The following STAG3 variants were observed in gnomAD, a reference collection of about 807,000 sequenced individuals.
STAG3 encodes STAG3 cohesin complex component, also known as cohesin subunit SA-3.
A neutral mutation model predicts 160.7 loss-of-function variants in STAG3; 101 were observed. The ratio of observed to expected loss-of-function variants is 0.63; its 90% CI spans 0.54 to 0.74. The LOEUF is 0.74. Among genes scored for constraint, STAG3 ranks in the 30% least tolerant of loss-of-function variants. STAG3 has a pLI of 0.00. For missense variants in STAG3, 1,188 were observed against 1,517.4 expected (o/e 0.78, Z 3.61); for synonymous variants, 519 against 585.0 (o/e 0.89, Z 1.63).
At chr7:100,214,555 G>C (rs1214853052), downstream of STAG3, among the ~76,000 whole-genome samples, 2 of 151,994 alleles carry the variant, frequency 1.3e-5, no homozygotes, top group Non-Finnish European at 2.9e-5. Context: ...AGTAGAGATG[G>C]GGAGAGTTTG....
At chr7:100,189,294 A>G in intron 7 of STAG3, 151 bp from the exon 8 acceptor site, 1 of 894,930 alleles carries the variant, frequency 1.1e-6, no homozygotes, top group Admixed American at 2.8e-5. Context: ...GAAACAGTCC[A>G]CTCCAGGACA....
At chr7:100,199,518 T>C (rs1800932777) in intron 15 of STAG3, 23 bp from the exon 16 acceptor site, 2 of 1,586,132 alleles carry the variant, frequency 1.3e-6, no homozygotes, top group East Asian at 4.5e-5. Context: ...GATTCTATGT[T>C]TTTGATCCTC....
chr7:100,202,582 T>C lies in STAG3; in HGVS notation c.2692T>C (p.Tyr898His). 4.3e-6 allele frequency: 7 copies of C among 1,613,104 alleles called. No homozygotes were observed. Among genetic ancestry groups the C allele is most frequent in the Non-Finnish European group, 5.9e-6 (7 of 1,179,750 alleles). Residue 898 changes from tyrosine to histidine, a missense_variant, in exon 25 of 34, where the codon TAC becomes CAC. Physicochemically the swap from Tyr to His is moderately conservative, Grantham distance 83 (BLOSUM62 2). Transcript: ENST00000615138. ...TGCAGCCTCAGATGTTTTCAAACAC[T>C]ACAACAAGGTACACCAAGGCCCTAC... Reference protein sequence around the residue: ...MDAASDVFKHYNKFYNDYGDI... With the variant: ...MDAASDVFKHHNKFYNDYGDI...
At chr7:100,181,946 A>G (rs1376906281) in intron 2 of STAG3, 144 bp from the exon 3 acceptor site, 10 of 535,220 alleles carry the variant, frequency 1.9e-5, no homozygotes, top group Non-Finnish European at 3.0e-5. Context: ...CCTACTAACA[A>G]TAAGCTCATT....
chr7:100,210,263 T>G (rs1268060065), intron 29 of STAG3, among the ~76,000 whole-genome samples: 2 of 152,210 alleles, frequency 1.3e-5, no homozygotes, highest in Non-Finnish European at 2.9e-5. Flanking sequence ...GCGCTCACTT[T>G]GGGATTATTG....
intron 4 of STAG3, among the ~76,000 whole-genome samples, chr7:100,185,934 A>G (rs1218269125): frequency 1.3e-5 from 2 of 152,230 alleles, no homozygotes; most frequent in Non-Finnish European, 1.5e-5. Context: ...CATTCCATGC[A>G]GCCATCTGGA....
At chr7:100,195,483 T>C in intron 9 of STAG3, 101 bp downstream of exon 9, 1 of 1,141,044 alleles carries the variant, frequency 8.8e-7, no homozygotes, top group Non-Finnish European at 1.3e-6. Flanking sequence ...GTTATTTGGT[T>C]AGTCCCAGAA....
intron 31 of STAG3, 94 bp from the exon 32 acceptor site, chr7:100,211,701 C>A: frequency 2.1e-6 from 3 of 1,446,842 alleles, no homozygotes; most frequent in Non-Finnish European, 2.9e-6. Flanking sequence ...GCTGTACTTA[C>A]TGCTCCCCAC....
intron 18 of STAG3, 99 bp from the exon 19 acceptor site, chr7:100,200,670 T>A (rs1562986022): frequency 2.0e-6 from 3 of 1,537,802 alleles, no homozygotes; most frequent in Non-Finnish European, 2.7e-6. Flanking sequence ...AGGCATCTTA[T>A]CCTTGAAGTT....
chr7:100,195,198 C>A, intron 8 of STAG3, 111 bp from the exon 9 acceptor site: 1 of 924,388 alleles, frequency 1.1e-6, no homozygotes, highest in Non-Finnish European at 1.8e-6. Context: ...GGGGTTCACA[C>A]TATCCTATAA....
At chr7:100,205,202 G>C in intron 28 of STAG3, 25 bp from the exon 29 acceptor site, 1 of 1,613,484 alleles carries the variant, frequency 6.2e-7, no homozygotes, top group Non-Finnish European at 8.5e-7. Context: ...GCCCCTTCAG[G>C]CTTTTGGTTC....
intron 6 of STAG3, 68 bp downstream of exon 6, chr7:100,188,597 T>A (rs1161383629): frequency 1.3e-5 from 17 of 1,303,680 alleles, no homozygotes; most frequent in Admixed American, 1.2e-4. Context: ...TATCCCCTTC[T>A]TTTTGATTCT....
chr7:100,211,732 G>A (rs1009160262), intron 31 of STAG3, 63 bp from the exon 32 acceptor site: 8 of 1,576,920 alleles, frequency 5.1e-6, no homozygotes, highest in Middle Eastern at 1.7e-4. Flanking sequence ...CCGGGTGTCT[G>A]AGAAACTCTC....
chr7:100,194,817 A>G (rs1800576144), intron 8 of STAG3, among the ~76,000 whole-genome samples: 1 of 152,190 alleles, frequency 6.6e-6, no homozygotes, highest in African/African-American at 2.4e-5. Context: ...GTAACATTAA[A>G]GATTACTGAT....
At chr7:100,205,934 CT>C (rs1248604168) in intron 29 of STAG3, among the ~76,000 whole-genome samples, 4 of 152,054 alleles carry the variant, frequency 2.6e-5, no homozygotes, top group African/African-American at 9.7e-5. Flanking sequence ...TTTTCGAAAC[CT>C]TGGACACTTT....
intron 7 of STAG3, 48 bp downstream of exon 7, chr7:100,189,064 C>CT (rs1480252938): frequency 6.3e-7 from 1 of 1,595,280 alleles, no homozygotes; most frequent in South Asian, 1.1e-5. Context: ...ATTTATAGGA[C>CT]TTTCCTCTGT....
chr7:100,179,727 C>A (rs1213269787), intron 1 of STAG3, among the ~76,000 whole-genome samples: 1 of 152,042 alleles, frequency 6.6e-6, no homozygotes, highest in Non-Finnish European at 1.5e-5. Flanking sequence ...TAGGTCAGCT[C>A]TTTGTCTTAT....
At chr7:100,216,784 A>T (rs548578577), downstream of STAG3, among the ~76,000 whole-genome samples, 1 of 152,158 alleles carries the variant, frequency 6.6e-6, no homozygotes, top group Admixed American at 6.5e-5. Flanking sequence ...AAAAAAAAAA[A>T]GTTCAATTTA....
At chr7:100,213,691 G>A (rs1277009508) in intron 32 of STAG3, 44 bp from the exon 33 acceptor site, 2 of 1,613,876 alleles carry the variant, frequency 1.2e-6, no homozygotes, top group East Asian at 4.5e-5. Context: ...GAAGTGACAG[G>A]AGTGTGTAAA....
Sources: allele counts gnomAD v4.1 joint callset (sites outside exome capture counted in the v4.1 genomes callset), GRCh38; gene constraint gnomAD v4.1.1; transcripts MANE v1.5; gene names NCBI Gene and HGNC (gene_info 2026-07-23, HGNC 2026-07-21).